NXT2: variants seen among roughly 807,000 people sequenced by gnomAD.
The protein encoded by NXT2 is NTF2-related export protein 2.
Under a neutral mutation model 9.6 loss-of-function variants are expected in NXT2, and 1 was observed. The ratio of observed to expected loss-of-function variants is 0.10; its 90% CI spans 0.04 to 0.49. NXT2 has a LOEUF of 0.49. Among genes scored for constraint, NXT2 ranks in the 20% least tolerant of loss-of-function variants. The pLI, the probability that NXT2 is intolerant of heterozygous loss-of-function variation, is 0.95. For missense variants in NXT2, 48 were observed against 100.3 expected (o/e 0.48, Z 2.23); for synonymous variants, 22 against 35.4 (o/e 0.62, Z 1.34).
chrX:109,541,059 G>C (rs913582682), intron 2 of NXT2, among the ~76,000 whole-genome samples: 3 of 111,794 alleles, frequency 2.7e-5, no homozygotes, highest in African/African-American at 9.7e-5. Context: ...GCATTAAAGG[G>C]TACAGGTAGG....
chrX:109,539,476 T>C (rs1933363933), intron 2 of NXT2, among the ~76,000 whole-genome samples: 1 of 109,825 alleles, frequency 9.1e-6, no homozygotes, highest in African/African-American at 3.3e-5. Flanking sequence ...TTGAACTAAT[T>C]TACATTCCCA....
chrX:109,543,816 T>C lies in NXT2; in HGVS notation c.*1128T>C, dbSNP rs771406294. 2.7e-5 allele frequency: 3 copies of C among 112,004 alleles called. No homozygotes were observed. The highest frequency in any genetic ancestry group is 9.7e-5 in the African/African-American group (3 of 30,932). 9.2% of individuals were successfully genotyped at this position (112,004 alleles called of 1,213,427 possible). A position where few individuals can be genotyped will look rare whatever the true frequency, so the allele number is the denominator to read the frequency against. The stretch of plus-strand genomic sequence containing the variant: ...GTCTTCCAGTCTTCCATGTGAACTT[T>C]AGGCCCAAAGTTTCTTATGTATCAC... On this transcript the variant is annotated 3_prime_UTR_variant, in exon 4 of 4. Coordinates refer to ENST00000372106, the MANE Select transcript of NXT2 (RefSeq NM_001242617.2).
chrX:109,537,848 C>G (rs1170348972), intron 1 of NXT2, among the ~76,000 whole-genome samples, 197 bp from the exon 2 acceptor site: 1 of 112,183 alleles, frequency 8.9e-6, no homozygotes, highest in Non-Finnish European at 1.9e-5. Flanking sequence ...AAGACATGCA[C>G]TTAAAATTAG....
rs180794856 is a variant in NXT2, at chrX:109,541,463, C to T, written c.103-12C>T. The T allele has an allele frequency of 5.2e-4, 601 of 1,154,272 alleles. 6 individuals carry two copies. The African/African-American group carries it at 9.5e-3, about 18-fold the overall frequency. On this transcript the variant is annotated splice_polypyrimidine_tract_variant and intron_variant, in intron 2 of 3. Coordinates refer to ENST00000372106, the MANE Select transcript of NXT2 (RefSeq NM_001242617.2). Reference sequence around the variant, plus strand: ...AATTATTTCCCTTTTTTAAATTTGTCTTTCTTTTTAGGCACTAACCAGGCT... The same window carrying T: ...AATTATTTCCCTTTTTTAAATTTGTTTTTCTTTTTAGGCACTAACCAGGCT...
At chrX:109,537,926 G>A (rs910957380) in intron 1 of NXT2, 119 bp from the exon 2 acceptor site, 5 of 429,699 alleles carry the variant, frequency 1.2e-5, no homozygotes, top group Non-Finnish European at 1.2e-5. Context: ...ATGAAAGAAT[G>A]TGGACTGTAT....
chrX:109,537,173 C>G (rs1482706444), intron 1 of NXT2, 152 bp downstream of exon 1: 11 of 1,055,195 alleles, frequency 1.0e-5, no homozygotes, highest in Non-Finnish European at 1.2e-5. Flanking sequence ...CGCTTTGCTG[C>G]CCGCCCTGCC....
At chrX:109,537,379 A>T (rs1458316952) in intron 1 of NXT2, 1 of 815,419 alleles carries the variant, frequency 1.2e-6, no homozygotes, top group African/African-American at 2.2e-5. Context: ...TTAATTTAGT[A>T]ATAGACTGGG....
chrX:109,538,199 G>T (rs750540408), intron 2 of NXT2, 68 bp downstream of exon 2: 11 of 704,949 alleles, frequency 1.6e-5, no homozygotes, highest in Non-Finnish European at 2.4e-5. Context: ...GTTGTGTCTG[G>T]AGCCAGCGTT....
At chrX:109,535,926 G>A (rs1343096662), upstream of NXT2, 1 of 1,205,022 alleles carries the variant, frequency 8.3e-7, no homozygotes, top group African/African-American at 1.8e-5. Context: ...GACAGAGAAG[G>A]ATACCAAAGA....
At chrX:109,536,056 G>C (rs182432266), upstream of NXT2, 505 of 715,715 alleles carry the variant, frequency 7.1e-4, 2 homozygotes, top group African/African-American at 0.01. Flanking sequence ...TTTTTAAGGG[G>C]TGTTGGGGAG....
chrX:109,542,386 C>A, intron 3 of NXT2, 121 bp from the exon 4 acceptor site: 1 of 518,146 alleles, frequency 1.9e-6, no homozygotes, highest in Non-Finnish European at 3.0e-6. Flanking sequence ...GCTCAAGGGA[C>A]AGAAAGTGTA....
chrX:109,537,114 A>G, intron 1 of NXT2, 93 bp downstream of exon 1: 1 of 1,124,933 alleles, frequency 8.9e-7, no homozygotes, highest in Non-Finnish European at 1.2e-6. Context: ...GCTCACGTGG[A>G]TAGGTGACGA....
Position 109,537,020 on chromosome X carries a change from T to C in NXT2, c.14T>C (p.Leu5Pro), listed in dbSNP as rs371138421. 1.7e-6 allele frequency: 2 copies of C among 1,208,330 alleles called. No homozygotes were observed. Among genetic ancestry groups the C allele is most frequent in the African/African-American group, 1.7e-5 (1 of 57,190 alleles). MATS[L>P]DFKTYVDQAC... ...ACAAGGTCCCAGATGGCCACGTCTCTGGTGAGTGCCTGGGCCGTGGCAGGA... is the reference window on the plus strand; with the variant it reads ...ACAAGGTCCCAGATGGCCACGTCTCCGGTGAGTGCCTGGGCCGTGGCAGGA... Residue 5 changes from leucine to proline, a missense_variant and splice_region_variant, in exon 1 of 4, where the codon CTG (leucine) becomes CCG (proline). Coordinates refer to ENST00000372106, the MANE Select transcript of NXT2 (RefSeq NM_001242617.2).
intron 3 of NXT2, 111 bp from the exon 4 acceptor site, chrX:109,542,396 A>G: frequency 1.7e-6 from 1 of 589,021 alleles, no homozygotes; most frequent in Non-Finnish European, 2.5e-6. Context: ...CAGAAAGTGT[A>G]TGAAAAAAAT....
chrX:109,537,858 G>A (rs1312024481), intron 1 of NXT2, among the ~76,000 whole-genome samples, 187 bp from the exon 2 acceptor site: 6 of 112,268 alleles, frequency 5.3e-5, no homozygotes, highest in African/African-American at 1.9e-4. Context: ...CTTAAAATTA[G>A]TGAAAAATTT....
In NXT2 at chrX:109,544,434, A is replaced by G. The variant is rs916588727; in HGVS notation, c.*1746A>G. ...AACCACAGCTTCAGCAGCAACAATC[A>G]GAATGTCCAAATGCTGTCCTTTCCC... On this transcript the variant is annotated 3_prime_UTR_variant, in exon 4 of 4. Transcript: ENST00000372106. 8.0e-5 allele frequency: 9 copies of G among 112,657 alleles called. No homozygotes were observed. The highest frequency in any genetic ancestry group is 1.7e-4 in the Non-Finnish European group (9 of 53,172). The allele number at this position is 112,657 out of a possible 1,213,427, so 9.3% of individuals were successfully genotyped here.
intron 2 of NXT2, among the ~76,000 whole-genome samples, chrX:109,539,100 CT>C (rs1933355809): frequency 9.0e-6 from 1 of 111,398 alleles, no homozygotes; most frequent in Non-Finnish European, 1.9e-5. Context: ...TCAACTCCTA[CT>C]TATGAGTGAA....
At position 109,537,021 on chromosome X, in the gene NXT2, G is replaced by A. The variant is rs1471323048; in HGVS notation, c.15G>A (p.Leu5=). 1.1e-5 allele frequency: 13 copies of A among 1,210,019 alleles called. No individual in the cohort carries two copies. In the Admixed American group the frequency reaches 1.1e-4, roughly 10 times the overall value. Residue 5 remains leucine (L), a splice_region_variant and synonymous_variant, in exon 1 of 4, where the codon CTG becomes CTA. Transcript: ENST00000372106. ...CAAGGTCCCAGATGGCCACGTCTCT[G>A]GTGAGTGCCTGGGCCGTGGCAGGAC... is the stretch of plus-strand genomic sequence containing the variant. The part of the protein sequence containing the change: MATS[L]DFKTYVDQAC...
chrX:109,537,108 A>G lies in NXT2; in HGVS notation c.15+87A>G, dbSNP rs1308652951. ...TTCCGGGGCGGTCTGGCTGCTGCTC[A>G]CGTGGATAGGTGACGAATCACGTCC... On this transcript the variant is annotated intron_variant, in intron 1 of 3. Coordinates refer to ENST00000372106, the MANE Select transcript of NXT2 (RefSeq NM_001242617.2). 2.6e-6 allele frequency: 3 copies of G among 1,133,407 alleles called. No homozygotes were observed. In the Admixed American group the frequency reaches 8.4e-5, roughly 32 times the overall value. The allele number at this position is 1,133,407 out of a possible 1,213,427, so 93.4% of individuals were successfully genotyped here. A position where few individuals can be genotyped will look rare whatever the true frequency, so the allele number is the denominator to read the frequency against.
Sources: allele counts gnomAD v4.1 joint callset (sites outside exome capture counted in the v4.1 genomes callset), GRCh38; gene constraint gnomAD v4.1.1; transcripts MANE v1.5; gene names NCBI Gene and HGNC (gene_info 2026-07-23, HGNC 2026-07-21).